PSMD1: variants seen among roughly 807,000 people sequenced by gnomAD.
The protein encoded by PSMD1 is 26S proteasome non-ATPase regulatory subunit 1.
A neutral mutation model predicts 119.0 loss-of-function variants in PSMD1; 18 were observed. The ratio of observed to expected loss-of-function variants is 0.15; its 90% CI spans 0.10 to 0.22. The LOEUF is 0.22. Ranked by LOEUF, PSMD1 falls within the 10% of genes least tolerant of loss-of-function variation. The probability of loss-of-function intolerance (pLI) is 1.00; values close to 1 mark genes in which losing one functional copy is unlikely to be tolerated. For missense variants in PSMD1, 702 were observed against 1,158.5 expected (o/e 0.61, Z 5.72); for synonymous variants, 374 against 396.6 (o/e 0.94, Z 0.68).
In PSMD1 at chr2:231,170,572, A is replaced by G. The variant is rs148285878; in HGVS notation, c.2722A>G (p.Ile908Val). 7.3e-5 allele frequency: 118 copies of G among 1,613,174 alleles called. 1 individual carries two copies. In the African/African-American group the frequency reaches 1.5e-3, roughly 21 times the overall value. Residue 908 changes from isoleucine to valine, a missense_variant, in exon 24 of 25, where the codon ATT becomes GTT. Physicochemically the swap from Ile to Val is conservative, Grantham distance 29. This residue lies in a region of PSMD1 where 152 missense variants were observed against 239.3 expected (regional missense o/e 0.64). Coordinates refer to ENST00000308696, the MANE Select transcript of PSMD1 (RefSeq NM_002807.4). This position sits in a 1 kb window ranked among gnomAD's most constrained non-coding sequence, Gnocchi z 4.1. ...CACGCCCCTGTGTTTCCAGCTCTCTATTGGAGGCATCATCATTCTGAAGGA... is the reference window on the plus strand; with the variant it reads ...CACGCCCCTGTGTTTCCAGCTCTCTGTTGGAGGCATCATCATTCTGAAGGA... ...CRYQPFKPLS[I>V]GGIIILKDTS...
At chr2:231,060,110 T>C (rs1553557867) in intron 1 of PSMD1, among the ~76,000 whole-genome samples, 1 of 152,260 alleles carries the variant, frequency 6.6e-6, no homozygotes, top group Non-Finnish European at 1.5e-5. Context: ...CCTGTCATCT[T>C]ACTCCACATC....
intron 16 of PSMD1, among the ~76,000 whole-genome samples, chr2:231,137,018 T>C (rs1448416546): frequency 1.4e-5 from 2 of 145,206 alleles, no homozygotes; most frequent in Non-Finnish European, 3.0e-5. Flanking sequence ...TATTGTGTTA[T>C]ATATTTATGT....
intron 16 of PSMD1, chr2:231,108,651 T>A: frequency 1.9e-6 from 3 of 1,614,150 alleles, no homozygotes; most frequent in Non-Finnish European, 2.5e-6. Flanking sequence ...ATGGCAGGGT[T>A]AATCCCATTT....
intron 17 of PSMD1, among the ~76,000 whole-genome samples, chr2:231,143,654 G>A (rs1165176064): frequency 6.6e-6 from 1 of 152,144 alleles, no homozygotes; most frequent in African/African-American, 2.4e-5. Context: ...CAGTTGAGTG[G>A]TTTATAATAA....
chr2:231,063,429 G>A (rs986112031), intron 4 of PSMD1, among the ~76,000 whole-genome samples: 1 of 152,230 alleles, frequency 6.6e-6, no homozygotes, highest in Non-Finnish European at 1.5e-5. Flanking sequence ...AGTACAGAGA[G>A]CTCAAGGGCA....
chr2:231,057,142 C>G (rs1015937274), intron 1 of PSMD1, 101 bp downstream of exon 1: 1 of 1,380,706 alleles, frequency 7.2e-7, no homozygotes, highest in Non-Finnish European at 9.4e-7. Context: ...GGCGGAACGC[C>G]GGCCTGGGCA....
chr2:231,109,416 A>T, intron 16 of PSMD1: 1 of 1,613,060 alleles, frequency 6.2e-7, no homozygotes, highest in South Asian at 1.1e-5. Context: ...ATGCCTAAGG[A>T]AGAGGAAAAC....
At chr2:231,164,025 C>G (rs932765515) in intron 21 of PSMD1, among the ~76,000 whole-genome samples, 46 of 152,120 alleles carry the variant, frequency 3.0e-4, no homozygotes, top group African/African-American at 1.0e-3. Context: ...TTCACATTAA[C>G]TATATTTTTT....
rs899121125 is a variant in PSMD1, at chr2:231,084,114, C to T, written c.1722+351C>T. 7.9e-5 allele frequency among the ~76,000 whole-genome samples: 12 copies of T among 151,954 alleles called. No individual in the cohort carries two copies. In the East Asian group the frequency reaches 2.3e-3, roughly 29 times the overall value. ...CTGTAATCCTAGCATTTTGGGAGGCCGAGGCAGGTGGATCACTTGAGGTCA... is the reference window on the plus strand; with the variant it reads ...CTGTAATCCTAGCATTTTGGGAGGCTGAGGCAGGTGGATCACTTGAGGTCA... On this transcript the variant is annotated intron_variant, in intron 14 of 24. Transcript: ENST00000308696.
At chr2:231,062,114 T>G in intron 2 of PSMD1, 134 bp from the exon 3 acceptor site, 1 of 589,828 alleles carries the variant, frequency 1.7e-6, no homozygotes, top group Non-Finnish European at 3.0e-6. Flanking sequence ...GTTGGTAAAT[T>G]TTTATATTTG....
At position 231,153,518 on chromosome 2, in the gene PSMD1, G is replaced by A. The variant is rs369635364; in HGVS notation, c.2116-46G>A. 30 of 1,333,468 alleles carry A rather than the reference G, an allele frequency of 2.2e-5. 1 individual carries two copies. The highest frequency in any genetic ancestry group is 9.7e-5 in the South Asian group (8 of 82,724). The allele number at this position is 1,333,468 out of a possible 1,614,324, so 82.6% of individuals were successfully genotyped here. On this transcript the variant is annotated intron_variant, in intron 18 of 24. Coordinates refer to ENST00000308696, the MANE Select transcript of PSMD1 (RefSeq NM_002807.4). ...TTATTCCCTGTTCTAAAATGGTACC[G>A]CAAATGAGTAGACTTAGACTATAAT... is the stretch of plus-strand genomic sequence containing the variant.
In PSMD1 at chr2:231,078,762, T is replaced by C. The variant is rs1410197738; in HGVS notation, c.1160+15T>C. 8 of 1,530,562 alleles carry C rather than the reference T, an allele frequency of 5.2e-6. No individual in the cohort carries two copies. The highest frequency in any genetic ancestry group is 1.7e-4 in the Middle Eastern group (1 of 5,768). The allele number at this position is 1,530,562 out of a possible 1,614,324, so 94.8% of individuals were successfully genotyped here. A position where few individuals can be genotyped will look rare whatever the true frequency, so the allele number is the denominator to read the frequency against. ...CAGTTTCTTAGGTAAATATGCTTGT[T>C]GATTTTCACTTTGGTTCAAAATCTT... On this transcript the variant is annotated intron_variant, in intron 10 of 24. Transcript: ENST00000308696.
intron 10 of PSMD1, 121 bp downstream of exon 10, chr2:231,078,868 C>T: frequency 1.6e-6 from 1 of 613,122 alleles, no homozygotes; most frequent in South Asian, 2.6e-5. Flanking sequence ...GATCTCGGCT[C>T]ACTGCAACTT....
intron 17 of PSMD1, 57 bp from the exon 18 acceptor site, chr2:231,146,183 A>G: frequency 8.3e-7 from 1 of 1,202,326 alleles, no homozygotes; most frequent in South Asian, 1.2e-5. Context: ...CTATAAATTG[A>G]AAGTTCAGCC....
chr2:231,073,890 T>C (rs1205560484), intron 7 of PSMD1, among the ~76,000 whole-genome samples: 2 of 152,050 alleles, frequency 1.3e-5, no homozygotes, highest in African/African-American at 4.8e-5. Flanking sequence ...AAATGATTTT[T>C]TTAAGTAAAT....
intron 23 of PSMD1, 136 bp downstream of exon 23, chr2:231,166,153 G>T (rs1696778102): frequency 1.0e-6 from 1 of 969,632 alleles, no homozygotes. Flanking sequence ...TTTAACAAAA[G>T]AGAGAATGTT....
intron 11 of PSMD1, 111 bp downstream of exon 11, chr2:231,079,725 C>T: frequency 1.6e-6 from 1 of 620,942 alleles, no homozygotes; most frequent in Non-Finnish European, 2.6e-6. Flanking sequence ...TTTGTTAAGT[C>T]AGATAAGTCA....
chr2:231,102,889 CTTAT>C (rs1694902000), intron 16 of PSMD1, among the ~76,000 whole-genome samples: 2 of 142,284 alleles, frequency 1.4e-5, no homozygotes, highest in South Asian at 2.1e-4. Flanking sequence ...TTTGTTATAG[CTTAT>C]TTATTATATT....
At chr2:231,061,197 T>C in intron 1 of PSMD1, 70 bp from the exon 2 acceptor site, 1 of 1,243,110 alleles carries the variant, frequency 8.0e-7, no homozygotes, top group Non-Finnish European at 1.1e-6. Flanking sequence ...TCATGTATTT[T>C]TGACCAGGTG....
Sources: gnomAD v4.1 joint callset for allele counts (sites outside exome capture counted in the v4.1 genomes callset) on GRCh38, gnomAD v4.1.1 for gene constraint, gnomAD v4.1.1 regional missense constraint, Gnocchi (gnomAD v3.1) non-coding constraint, MANE v1.5 for transcripts, NCBI Gene and HGNC (gene_info 2026-07-23, HGNC 2026-07-21) for gene names.